Variants in FAM135B observed in about 807,000 individuals in gnomAD.
FAM135B encodes the protein family with sequence similarity 135 member B, also known as protein FAM135B.
A neutral mutation model predicts 127.7 loss-of-function variants in FAM135B; 43 were observed. That is an observed-to-expected ratio of 0.34 (90% CI 0.26 to 0.43). The LOEUF (loss-of-function observed/expected upper bound fraction) is 0.43. Among genes scored for constraint, FAM135B ranks in the 20% least tolerant of loss-of-function variants. The pLI, the probability that FAM135B is intolerant of heterozygous loss-of-function variation, is 1.00. For missense variants in FAM135B, 1,558 were observed against 1,725.6 expected (o/e 0.90, Z 1.72); for synonymous variants, 670 against 665.1 (o/e 1.01, Z -0.11).
chr8:138,338,883 G>T (rs1430657130), intron 2 of FAM135B, among the ~76,000 whole-genome samples: 2 of 152,054 alleles, frequency 1.3e-5, no homozygotes, highest in Non-Finnish European at 2.9e-5. Flanking sequence ...ATGGTAGACT[G>T]GATTAAGAAA....
intron 1 of FAM135B, among the ~76,000 whole-genome samples, chr8:138,475,674 T>C (rs1388045152): frequency 6.6e-6 from 1 of 152,218 alleles, no homozygotes. Context: ...CACTAATTCT[T>C]ACCTCATTGA....
Position 138,323,949 on chromosome 8 carries a change from G to A in FAM135B, c.78-13029C>T, listed in dbSNP as rs559205514. ...GGAAAACAAAGGCTGTCTTCATGTG[G>A]CTGAACCTAACTCCTTGGTATTCTC... On this transcript the variant is annotated intron_variant, in intron 2 of 19. Transcript: ENST00000395297. Among the ~76,000 whole-genome samples, 119 of 152,326 alleles carry A rather than the reference G, an allele frequency of 7.8e-4. 1 individual carries two copies. Among genetic ancestry groups the A allele is most frequent in the Middle Eastern group, 3.4e-3 (1 of 294 alleles).
chr8:138,280,901 C>T (rs1824214688), intron 3 of FAM135B, among the ~76,000 whole-genome samples: 1 of 152,006 alleles, frequency 6.6e-6, no homozygotes, highest in African/African-American at 2.4e-5. Flanking sequence ...CTCAGAGGTG[C>T]AGACACAGTG....
At chr8:138,429,925 T>C (rs2131501035) in intron 1 of FAM135B, among the ~76,000 whole-genome samples, 1 of 152,296 alleles carries the variant, frequency 6.6e-6, no homozygotes, top group East Asian at 1.9e-4. Context: ...CATACAGTCA[T>C]ACAGCAAGAT....
At chr8:138,218,821 A>G (rs994186417) in intron 7 of FAM135B, among the ~76,000 whole-genome samples, 6 of 151,822 alleles carry the variant, frequency 4.0e-5, no homozygotes, top group African/African-American at 1.5e-4. Context: ...AAAGAGAGAG[A>G]GAGAGATTTA....
At chr8:138,157,604 G>A (rs1415598821) in intron 12 of FAM135B, among the ~76,000 whole-genome samples, 1 of 152,080 alleles carries the variant, frequency 6.6e-6, no homozygotes, top group Non-Finnish European at 1.5e-5. Flanking sequence ...CAAAGTCTCA[G>A]TATACAAAAT....
chr8:138,280,572 T>A (rs1824188236), intron 3 of FAM135B, among the ~76,000 whole-genome samples: 1 of 152,194 alleles, frequency 6.6e-6, no homozygotes, highest in Non-Finnish European at 1.5e-5. Context: ...TTTATTTGCA[T>A]GTCTGTATGA....
rs182735144 is a variant in FAM135B, at chr8:138,265,639, A to G, written c.297+64T>C. On this transcript the variant is annotated intron_variant, in intron 4 of 19. Transcript: ENST00000395297. Reference sequence around the variant, plus strand: ...CTTCTTCTTTCAACATTTACCTAGCAATGAGAGAGAACAGCCATGATAGGG... The same window carrying G: ...CTTCTTCTTTCAACATTTACCTAGCGATGAGAGAGAACAGCCATGATAGGG... 5.7e-6 allele frequency: 9 copies of G among 1,573,990 alleles called. No individual in the cohort carries two copies. In the African/African-American group the frequency reaches 1.2e-4, roughly 21 times the overall value.
At chr8:138,418,856 CAT>C (rs1834320634) in intron 1 of FAM135B, among the ~76,000 whole-genome samples, 2 of 83,418 alleles carry the variant, frequency 2.4e-5, no homozygotes, top group Admixed American at 2.6e-4. Context: ...GAGTGCTAAA[CAT>C]AGAAAAAAAA....
chr8:138,436,030 A>AT (rs1396234872), intron 1 of FAM135B, among the ~76,000 whole-genome samples: 3 of 152,114 alleles, frequency 2.0e-5, no homozygotes, highest in African/African-American at 7.2e-5. Flanking sequence ...GTGACAGCCT[A>AT]TGTGCTCCAT....
chr8:138,373,615 C>A (rs367928337), intron 1 of FAM135B, among the ~76,000 whole-genome samples: 1 of 151,796 alleles, frequency 6.6e-6, no homozygotes, highest in African/African-American at 2.4e-5. Context: ...GTGAGCTGGG[C>A]GGAACAGAGC....
intron 1 of FAM135B, among the ~76,000 whole-genome samples, chr8:138,494,439 G>T (rs1448040131): frequency 6.6e-6 from 1 of 152,240 alleles, no homozygotes; most frequent in Non-Finnish European, 1.5e-5. Context: ...ACACAGCACA[G>T]TCCATCACAA....
chr8:138,244,857 G>A (rs1347434599), intron 6 of FAM135B, among the ~76,000 whole-genome samples: 1 of 152,130 alleles, frequency 6.6e-6, no homozygotes, highest in Non-Finnish European at 1.5e-5. Flanking sequence ...TTAAAAATTG[G>A]ATTCTTTGCT....
At position 138,418,737 on chromosome 8, in the gene FAM135B, C is replaced by G. The variant is rs532096156; in HGVS notation, c.-19-50735G>C. Among the ~76,000 whole-genome samples the G allele has an allele frequency of 2.6e-5, 4 of 151,918 alleles. No individual in the cohort carries two copies. In the South Asian group the frequency reaches 6.2e-4, roughly 24 times the overall value. On this transcript the variant is annotated intron_variant, in intron 1 of 19. Transcript: ENST00000395297. The stretch of plus-strand genomic sequence containing the variant: ...AGGATAAATAAAATCCTTTTCAGAC[C>G]AGCAAACACTAAGGGAACTTGTTAA...
At chr8:138,278,666 G>A (rs939685827) in intron 3 of FAM135B, among the ~76,000 whole-genome samples, 20 of 139,758 alleles carry the variant, frequency 1.4e-4, no homozygotes, top group South Asian at 1.2e-3. Flanking sequence ...CAGTTCAAGC[G>A]ATTTTCCTAC....
intron 1 of FAM135B, among the ~76,000 whole-genome samples, chr8:138,398,247 C>A (rs1832956945): frequency 1.3e-5 from 2 of 152,134 alleles, no homozygotes; most frequent in Admixed American, 1.3e-4. Context: ...TGCTTGACCC[C>A]CAGAGGGGCT....
At chr8:138,158,827 C>A (rs1190513700) in intron 12 of FAM135B, among the ~76,000 whole-genome samples, 1 of 152,146 alleles carries the variant, frequency 6.6e-6, no homozygotes, top group Non-Finnish European at 1.5e-5. Context: ...AATAGGAACA[C>A]TTTTACACTG....
In FAM135B at chr8:138,256,703, C is replaced by A. The variant is rs367655022; in HGVS notation, c.354G>T (p.Thr118=). The change falls in exon 5 of 20, where the codon ACG becomes ACT. Residue 118 remains threonine (T), a synonymous_variant. Transcript: ENST00000395297. ...DFQLKVDLHF[T]DSEQQLRDVA... ...ATGACACTCACTGCTGTTCACTGTC[C>A]GTAAAGTGCAGATCCACCTTGAGTT... is the stretch of plus-strand genomic sequence containing the variant. 6.2e-7 allele frequency: 1 copy of A among 1,613,840 alleles called. No individual in the cohort carries two copies. Among genetic ancestry groups the A allele is most frequent in the Non-Finnish European group, 8.5e-7 (1 of 1,179,822 alleles).
intron 7 of FAM135B, among the ~76,000 whole-genome samples, chr8:138,220,152 C>T (rs1818917493): frequency 6.6e-6 from 1 of 151,522 alleles, no homozygotes; most frequent in South Asian, 2.1e-4. Context: ...GGTCCAGTGC[C>T]CCATGGTGAG....
Sources: allele counts gnomAD v4.1 joint callset (sites outside exome capture counted in the v4.1 genomes callset), GRCh38; gene constraint gnomAD v4.1.1; transcripts MANE v1.5; gene names NCBI Gene and HGNC (gene_info 2026-07-23, HGNC 2026-07-21).